STXBP5L: variants seen among roughly 807,000 people sequenced by gnomAD.
The protein encoded by STXBP5L is syntaxin-binding protein 5-like.
STXBP5L carries 65 observed loss-of-function variants against 144.5 expected under a neutral mutation model. The observed-to-expected ratio is 0.45, with a 90% CI of 0.37 to 0.55. STXBP5L has a LOEUF of 0.55. Ranked by LOEUF, STXBP5L falls within the 20% of genes least tolerant of loss-of-function variation. STXBP5L has a pLI of 0.00. For missense variants in STXBP5L, 1,298 were observed against 1,405.5 expected (o/e 0.92, Z 1.22); for synonymous variants, 505 against 469.6 (o/e 1.08, Z -0.97).
rs373768752 is a variant in STXBP5L at position 121,407,523 on chromosome 3, A to G, written c.2868A>G (p.Ile956Met). The G allele has an allele frequency of 1.2e-6, 2 of 1,613,362 alleles. No homozygotes were observed. The highest frequency in any genetic ancestry group is 1.7e-6 in the Non-Finnish European group (2 of 1,179,520). ...YVHNITETSF[I>M]LQANVVVMCS... Reference sequence around the variant, plus strand: ...ATAACATCACGGAGACATCTTTTATACTGCAAGCAAATGTGGTGGTCATGT... The same window carrying G: ...ATAACATCACGGAGACATCTTTTATGCTGCAAGCAAATGTGGTGGTCATGT... The change falls in exon 23 of 27, where the codon ATA becomes ATG. Residue 956 changes from isoleucine (I) to methionine (M), a missense_variant. Transcript: ENST00000471454.
chr3:120,954,346 A>C lies in STXBP5L; in HGVS notation c.190-594A>C, dbSNP rs1254435980. 1.3e-5 allele frequency among the ~76,000 whole-genome samples: 2 copies of C among 152,054 alleles called. 1 individual carries two copies. The highest frequency in any genetic ancestry group is 4.1e-4 in the South Asian group (2 of 4,828). ...TGAAAATACAGAATATTACATCTTT[A>C]CTCAAAAAAGTTTCTTCATATTCCT... On this transcript the variant is annotated intron_variant, in intron 2 of 26. Coordinates refer to ENST00000471454, the MANE Select transcript of STXBP5L (RefSeq NM_001308330.2).
chr3:121,052,058 A>G (rs1948050424), intron 5 of STXBP5L, among the ~76,000 whole-genome samples: 2 of 152,196 alleles, frequency 1.3e-5, no homozygotes, highest in African/African-American at 2.4e-5. Flanking sequence ...GAATAGACCA[A>G]TAAGAGGTTC....
chr3:121,387,642 A>T (rs139847324), intron 22 of STXBP5L, among the ~76,000 whole-genome samples: 1 of 152,020 alleles, frequency 6.6e-6, no homozygotes. Flanking sequence ...GTTTTCCCAG[A>T]ACCATTTATT....
chr3:120,993,217 G>T (rs374992286), intron 3 of STXBP5L, among the ~76,000 whole-genome samples: 1 of 152,038 alleles, frequency 6.6e-6, no homozygotes, highest in African/African-American at 2.4e-5. Flanking sequence ...TTAGTCCTTT[G>T]TTAGATGGAT....
chr3:120,944,108 AT>A (rs935826119), intron 2 of STXBP5L, among the ~76,000 whole-genome samples: 2 of 150,528 alleles, frequency 1.3e-5, no homozygotes. Flanking sequence ...AACAGTTAGG[AT>A]TTTTTTTTGG....
intron 2 of STXBP5L, among the ~76,000 whole-genome samples, chr3:120,912,623 CAA>C (rs555613375): frequency 9.6e-5 from 12 of 125,214 alleles, no homozygotes; most frequent in African/African-American, 8.6e-5. Context: ...CAAGGTCAGC[CAA>C]AAAAAAAAAA....
Position 121,420,393 on chromosome 3 carries a change from C to T in STXBP5L, c.*1296C>T, listed in dbSNP as rs1031759117. The stretch of plus-strand genomic sequence containing the variant: ...AGAGTTTAATGATACAAAATCAATG[C>T]TTTTGTCCCTAGGTCAAATAATATA... On this transcript the variant is annotated 3_prime_UTR_variant, in exon 27 of 27. Coordinates refer to ENST00000471454, the MANE Select transcript of STXBP5L (RefSeq NM_001308330.2). 1.2e-4 allele frequency: 15 copies of T among 121,184 alleles called. No individual in the cohort carries two copies. Among genetic ancestry groups the T allele is most frequent in the African/African-American group, 3.1e-4 (12 of 39,110 alleles). 7.5% of individuals were successfully genotyped at this position (121,184 alleles called of 1,614,324 possible).
intron 18 of STXBP5L, among the ~76,000 whole-genome samples, chr3:121,272,043 A>G (rs557279286): frequency 5.9e-5 from 9 of 152,348 alleles, no homozygotes; most frequent in African/African-American, 1.9e-4. Context: ...TTGGTCTAAC[A>G]TGTTATCTGT....
chr3:121,133,609 T>C (rs2045101970), intron 7 of STXBP5L, among the ~76,000 whole-genome samples: 1 of 152,184 alleles, frequency 6.6e-6, no homozygotes, highest in Non-Finnish European at 1.5e-5. Flanking sequence ...CACCACTAGA[T>C]TTGACTCGCA....
chr3:121,214,420 T>C (rs772022200), intron 10 of STXBP5L, among the ~76,000 whole-genome samples: 2 of 152,206 alleles, frequency 1.3e-5, no homozygotes, highest in Non-Finnish European at 2.9e-5. Context: ...TTTGTTCTCA[T>C]TGGTTTCAAG....
Position 121,420,958 on chromosome 3 carries a change from A to G in STXBP5L, c.*1861A>G, listed in dbSNP as rs943911410. ...AGAGTCCTTGAATCCTCTTGTTAAG[A>G]AAGCCTCTCTGAATCTCCCAGACTC... On this transcript the variant is annotated 3_prime_UTR_variant, in exon 27 of 27. Coordinates refer to ENST00000471454, the MANE Select transcript of STXBP5L (RefSeq NM_001308330.2). 2.6e-5 allele frequency: 4 copies of G among 152,154 alleles called. No individual in the cohort carries two copies. The highest frequency in any genetic ancestry group is 6.6e-5 in the Admixed American group (1 of 15,246). The allele number at this position is 152,154 out of a possible 1,614,324, so 9.4% of individuals were successfully genotyped here.
At chr3:121,072,383 G>A (rs977413473) in intron 5 of STXBP5L, among the ~76,000 whole-genome samples, 34 of 152,244 alleles carry the variant, frequency 2.2e-4, no homozygotes, top group African/African-American at 7.7e-4. Flanking sequence ...GCCAAGCATT[G>A]CTCACAAACG....
At chr3:121,047,754 T>C (rs929082318) in intron 5 of STXBP5L, among the ~76,000 whole-genome samples, 1 of 152,178 alleles carries the variant, frequency 6.6e-6, no homozygotes, top group Non-Finnish European at 1.5e-5. Flanking sequence ...ACATGTGAGA[T>C]GGGTCTCTTG....
intron 20 of STXBP5L, among the ~76,000 whole-genome samples, chr3:121,322,409 C>A (rs558861200): frequency 2.1e-5 from 3 of 142,810 alleles, no homozygotes; most frequent in Admixed American, 7.5e-5. Context: ...ACCCAAGAGG[C>A]GGAGGTTGTG....
intron 3 of STXBP5L, among the ~76,000 whole-genome samples, chr3:121,026,286 T>G (rs1001834575): frequency 1.3e-5 from 2 of 151,932 alleles, no homozygotes; most frequent in African/African-American, 4.8e-5. Flanking sequence ...CTAGATCACC[T>G]GGATTATTGC....
chr3:121,129,723 T>C (rs907897637), intron 7 of STXBP5L, among the ~76,000 whole-genome samples: 1 of 152,120 alleles, frequency 6.6e-6, no homozygotes, highest in African/African-American at 2.4e-5. Flanking sequence ...TAATCTTGAT[T>C]GTCTGGACAT....
chr3:121,327,174 A>G (rs932535091), intron 20 of STXBP5L, among the ~76,000 whole-genome samples: 3 of 152,188 alleles, frequency 2.0e-5, no homozygotes, highest in African/African-American at 7.2e-5. Flanking sequence ...AGAAAGACAT[A>G]CGAATATACA....
chr3:121,041,636 T>C lies in STXBP5L; in HGVS notation c.288-64T>C, dbSNP rs959899724. ...AAACATCTGTTGATCAATAAGTTAG[T>C]TTCTTTGCTCATTAATATTGGTGCT... On this transcript the variant is annotated intron_variant, in intron 3 of 26. Coordinates refer to ENST00000471454, the MANE Select transcript of STXBP5L (RefSeq NM_001308330.2). The C allele has an allele frequency of 5.0e-6, 6 of 1,211,106 alleles. No individual in the cohort carries two copies. The African/African-American group carries it at 9.0e-5, about 18-fold the overall frequency. The allele number at this position is 1,211,106 out of a possible 1,614,324, so 75.0% of individuals were successfully genotyped here.
At chr3:121,057,409 T>C (rs1948536923) in intron 5 of STXBP5L, among the ~76,000 whole-genome samples, 1 of 152,058 alleles carries the variant, frequency 6.6e-6, no homozygotes, top group African/African-American at 2.4e-5. Flanking sequence ...CACCTTGAAA[T>C]AACTTTGCCG....
Sources: gnomAD v4.1 joint callset for allele counts (sites outside exome capture counted in the v4.1 genomes callset) on GRCh38, gnomAD v4.1.1 for gene constraint, MANE v1.5 for transcripts, NCBI Gene and HGNC (gene_info 2026-07-23, HGNC 2026-07-21) for gene names.